Variants in ADARB2 observed in about 807,000 individuals in gnomAD.
The protein encoded by ADARB2 is inactive double-stranded RNA-specific editase B2.
A neutral mutation model predicts 62.2 loss-of-function variants in ADARB2; 25 were observed. The observed-to-expected ratio is 0.40, with a 90% confidence interval of 0.29 to 0.56. ADARB2 has a LOEUF of 0.56. Ranked by LOEUF, ADARB2 falls within the 20% of genes least tolerant of loss-of-function variation. The pLI is 0.43. For missense variants in ADARB2, 1,071 were observed against 1,077.4 expected, an observed-to-expected ratio of 0.99 and a Z score of 0.08; for synonymous variants, 572 against 500.8, an observed-to-expected ratio of 1.14 and a Z score of -1.90.
chr10:1,498,223 A>G (rs1831716124), intron 1 of ADARB2, among the ~76,000 whole-genome samples: 1 of 151,882 alleles, frequency 6.6e-6, no homozygotes, highest in African/African-American at 2.4e-5. Context: ...AAATATAAAA[A>G]ATTGGCCAGG....
chr10:1,208,400 G>A (rs1236599941), intron 7 of ADARB2, among the ~76,000 whole-genome samples: 2 of 152,192 alleles, frequency 1.3e-5, no homozygotes, highest in Non-Finnish European at 2.9e-5. Context: ...TGTCCTCCAA[G>A]CACCCACTGG....
At chr10:1,416,906 G>A (rs1280442507) in intron 1 of ADARB2, among the ~76,000 whole-genome samples, 1 of 152,258 alleles carries the variant, frequency 6.6e-6, no homozygotes, top group Non-Finnish European at 1.5e-5. Context: ...CAGCTGAGAA[G>A]GGAGGTGGGT....
chr10:1,183,070 CGT>C lies in ADARB2; in HGVS notation c.*121_*122del. 2.7e-6 allele frequency: 3 copies of C among 1,129,414 alleles called. No individual in the cohort carries two copies. The East Asian group carries it at 7.6e-5, about 29-fold the overall frequency. The allele number at this position is 1,129,414 out of a possible 1,614,324, so 70.0% of individuals were successfully genotyped here. ...TGCTCGTCCAAACATTGCACACTCG[CGT>C]GTTTCTGGGACACCAAAGTAAAACG... On this transcript the variant is annotated 3_prime_UTR_variant, in exon 10 of 10. Transcript: ENST00000381312.
At chr10:1,435,474 C>G (rs1328674516) in intron 1 of ADARB2, among the ~76,000 whole-genome samples, 3 of 149,224 alleles carry the variant, frequency 2.0e-5, no homozygotes, top group African/African-American at 5.2e-5. Context: ...GGCTGAGCCT[C>G]CTTCTGCGCA....
In ADARB2 at chr10:1,430,735, G is replaced by A. The variant is rs565762807; in HGVS notation, c.101-51575C>T. Among the ~76,000 whole-genome samples, 19 of 143,020 alleles carry A rather than the reference G, an allele frequency of 1.3e-4. 1 individual carries two copies. In the East Asian group the frequency reaches 1.7e-3, roughly 13 times the overall value. 93.8% of individuals were successfully genotyped at this position (143,020 alleles called of 152,430 possible). ...AACCTGGGTGACAGAGTGAGACTCCGTCTCAAAAAAAAAAAATCAGGAGTG... is the reference window on the plus strand; with the variant it reads ...AACCTGGGTGACAGAGTGAGACTCCATCTCAAAAAAAAAAAATCAGGAGTG... On this transcript the variant is annotated intron_variant, in intron 1 of 9. Transcript: ENST00000381312.
chr10:1,502,110 G>T (rs1033409132), intron 1 of ADARB2, among the ~76,000 whole-genome samples: 1 of 152,234 alleles, frequency 6.6e-6, no homozygotes, highest in African/African-American at 2.4e-5. Flanking sequence ...ATGCCACACA[G>T]TGTCCACCTG....
At chr10:1,678,059 G>T in intron 1 of ADARB2, 1 of 576,422 alleles carries the variant, frequency 1.7e-6, no homozygotes, top group Non-Finnish European at 2.2e-6. Context: ...CTGGATAATT[G>T]GAACTACACC....
intron 1 of ADARB2, among the ~76,000 whole-genome samples, chr10:1,385,390 A>G (rs1295673165): frequency 6.6e-6 from 1 of 152,206 alleles, no homozygotes; most frequent in African/African-American, 2.4e-5. Flanking sequence ...AGAATTTAAA[A>G]ATAAAGGGGA....
At chr10:1,355,062 A>G (rs933310462) in intron 3 of ADARB2, among the ~76,000 whole-genome samples, 8 of 152,250 alleles carry the variant, frequency 5.3e-5, no homozygotes, top group African/African-American at 1.9e-4. Flanking sequence ...GGAGTCTCCA[A>G]CCACCAGGAC....
intron 1 of ADARB2, among the ~76,000 whole-genome samples, chr10:1,695,758 G>A (rs982627078): frequency 1.4e-4 from 21 of 152,322 alleles, no homozygotes; most frequent in South Asian, 4.1e-4. Flanking sequence ...ATGGAAACAT[G>A]CATGTGTAGG....
intron 1 of ADARB2, among the ~76,000 whole-genome samples, chr10:1,439,869 G>A (rs1588258724): frequency 6.7e-6 from 1 of 148,164 alleles, no homozygotes; most frequent in East Asian, 2.0e-4. Context: ...TCTCCCCTAG[G>A]ATGGAGGCAG....
intron 1 of ADARB2, among the ~76,000 whole-genome samples, chr10:1,517,128 C>A (rs1022045598): frequency 1.3e-5 from 2 of 152,076 alleles, no homozygotes; most frequent in African/African-American, 4.8e-5. Flanking sequence ...GCAGCTGCAC[C>A]GAGAGTGTGA....
Position 1,337,976 on chromosome 10 carries a change from C to G in ADARB2, c.1077+25052G>C, listed in dbSNP as rs56079298. Among the ~76,000 whole-genome samples, 1,493 of 152,244 alleles carry G rather than the reference C, an allele frequency of 9.8e-3. 26 individuals carry two copies. Among genetic ancestry groups the G allele is most frequent in the African/African-American group, 0.034 (1,426 of 41,552 alleles). On this transcript the variant is annotated intron_variant, in intron 3 of 9. Transcript: ENST00000381312. Reference sequence around the variant, plus strand: ...GTTGTGTTGTCACCTGGGACTGACACGTGCTTCTCATGGCATCATTTAATA... The same window carrying G: ...GTTGTGTTGTCACCTGGGACTGACAGGTGCTTCTCATGGCATCATTTAATA...
At chr10:1,349,930 C>G (rs1253332592) in intron 3 of ADARB2, among the ~76,000 whole-genome samples, 1 of 152,116 alleles carries the variant, frequency 6.6e-6, no homozygotes, top group Non-Finnish European at 1.5e-5. Context: ...TCCCCACAAC[C>G]AATTCTCCAT....
chr10:1,678,666 G>C (rs1262829137), intron 1 of ADARB2, among the ~76,000 whole-genome samples: 1 of 152,108 alleles, frequency 6.6e-6, no homozygotes, highest in East Asian at 1.9e-4. Flanking sequence ...GTAGTTCACA[G>C]CCAGGGGCCC....
At chr10:1,462,284 G>A (rs1168020276) in intron 1 of ADARB2, among the ~76,000 whole-genome samples, 1 of 152,170 alleles carries the variant, frequency 6.6e-6, no homozygotes, top group East Asian at 1.9e-4. Flanking sequence ...TGTTCTCTTG[G>A]CCAAGTGTCC....
At chr10:1,277,478 C>T (rs922839610) in intron 3 of ADARB2, among the ~76,000 whole-genome samples, 5 of 152,346 alleles carry the variant, frequency 3.3e-5, no homozygotes, top group Middle Eastern at 3.4e-3. Flanking sequence ...ATAAACACCT[C>T]TACGCAAATA....
At chr10:1,391,893 G>A (rs1308503744) in intron 1 of ADARB2, among the ~76,000 whole-genome samples, 1 of 148,108 alleles carries the variant, frequency 6.8e-6, no homozygotes, top group Non-Finnish European at 1.5e-5. Flanking sequence ...TCCCACCTCA[G>A]CCTCCTGAAT....
chr10:1,354,032 C>T (rs1159024125), intron 3 of ADARB2, among the ~76,000 whole-genome samples: 1 of 152,090 alleles, frequency 6.6e-6, no homozygotes, highest in Non-Finnish European at 1.5e-5. Context: ...AATATCACCC[C>T]TTACCACAAA....
Sources: allele counts gnomAD v4.1 joint callset (sites outside exome capture counted in the v4.1 genomes callset), GRCh38; gene constraint gnomAD v4.1.1; transcripts MANE v1.5; gene names NCBI Gene and HGNC (gene_info 2026-07-23, HGNC 2026-07-21).